PWWP2B: variants seen among roughly 807,000 people sequenced by gnomAD.
PWWP2B encodes PWWP domain containing 2B.
A neutral mutation model predicts 15.5 loss-of-function variants in PWWP2B; 9 were observed. That is an observed-to-expected ratio of 0.58 (90% CI 0.35 to 1.02). The LOEUF is 1.02. Among genes scored for constraint, PWWP2B ranks in the 50% least tolerant of loss-of-function variants. PWWP2B has a pLI of 0.02. For missense variants in PWWP2B, 864 were observed against 865.3 expected, an observed-to-expected ratio of 1.00 and a Z score of 0.02; for synonymous variants, 474 against 403.6, an observed-to-expected ratio of 1.17 and a Z score of -2.09.
rs373866564 is a variant in PWWP2B at position 132,417,376 on chromosome 10, C to T, written c.*332C>T. ...GGTTCCATGGAGGAACTGGGCCTGC[C>T]GCCCCGGCCTCACCTGCTGCCCGCA... is the stretch of plus-strand genomic sequence containing the variant. On this transcript the variant is annotated 3_prime_UTR_variant, in exon 3 of 3. Transcript: ENST00000305233. The T allele has an allele frequency of 1.1e-4, 51 of 466,514 alleles. No individual in the cohort carries two copies. The highest frequency in any genetic ancestry group is 5.7e-4 in the Middle Eastern group (1 of 1,766). 28.9% of individuals were successfully genotyped at this position (466,514 alleles called of 1,614,324 possible).
Position 132,417,471 on chromosome 10 carries a change from T to C in PWWP2B, c.*427T>C, listed in dbSNP as rs1220642090. 1 of 273,448 alleles carries C rather than the reference T, an allele frequency of 3.7e-6. No individual in the cohort carries two copies. The highest frequency in any genetic ancestry group is 7.0e-6 in the Non-Finnish European group (1 of 142,498). 16.9% of individuals were successfully genotyped at this position (273,448 alleles called of 1,614,324 possible). On this transcript the variant is annotated 3_prime_UTR_variant, in exon 3 of 3. Transcript: ENST00000305233. The stretch of plus-strand genomic sequence containing the variant: ...CCCAGCGGCTGGTGTGGGCAGCTGT[T>C]CCCTGCCTCGCAGTGTCCTGGAGGC...
chr10:132,417,211 G>A lies in PWWP2B; in HGVS notation c.*167G>A. The A allele has an allele frequency of 1.0e-6, 1 of 980,168 alleles. No individual in the cohort carries two copies. 60.7% of individuals were successfully genotyped at this position (980,168 alleles called of 1,614,324 possible). ...CCCCGGGGACCGGCAGTGTGTCCAG[G>A]GAGGGGATGGCCCTGAGCCCAGCGG... On this transcript the variant is annotated 3_prime_UTR_variant, in exon 3 of 3. Coordinates refer to ENST00000305233, the MANE Select transcript of PWWP2B (RefSeq NM_138499.4).
chr10:132,407,747 T>TTGGGGCAGGCG (rs1451565214), intron 2 of PWWP2B, among the ~76,000 whole-genome samples: 1 of 152,166 alleles, frequency 6.6e-6, no homozygotes, highest in East Asian at 1.9e-4. Flanking sequence ...TTCTGGGGCC[T>TTGGGGCAGGCG]TGGGGCAGGC....
rs374387139 is a variant in PWWP2B, at chr10:132,416,776, A to G, written c.*17-285A>G. ...CCCCACCAAGAGGCCACAAGGCTCC[A>G]GGCCCGCTGGCTTCTCCGTGGCCCT... is the stretch of plus-strand genomic sequence containing the variant. On this transcript the variant is annotated intron_variant, in intron 2 of 2. Transcript: ENST00000305233. Among the ~76,000 whole-genome samples, 497 of 152,120 alleles carry G rather than the reference A, an allele frequency of 3.3e-3. 3 individuals are homozygous for G. The highest frequency in any genetic ancestry group is 5.6e-3 in the Non-Finnish European group (379 of 67,948).
In PWWP2B at chr10:132,406,647, G is replaced by A. The variant is rs185291604; in HGVS notation, c.*16+358G>A. On this transcript the variant is annotated intron_variant, in intron 2 of 2. Transcript: ENST00000305233. Reference sequence around the variant, plus strand: ...TTTGACGGATCCTGGGGAGGGGAGAGCCCAGGCTGAGGCCCTGTCTTGCGT... The same window carrying A: ...TTTGACGGATCCTGGGGAGGGGAGAACCCAGGCTGAGGCCCTGTCTTGCGT... 3.1e-3 allele frequency among the ~76,000 whole-genome samples: 468 copies of A among 152,306 alleles called. 2 individuals are homozygous for A. The highest frequency in any genetic ancestry group is 0.011 in the African/African-American group (448 of 41,576).
At chr10:132,411,158 C>T (rs1199734982) in intron 2 of PWWP2B, among the ~76,000 whole-genome samples, 1 of 152,192 alleles carries the variant, frequency 6.6e-6, no homozygotes, top group South Asian at 2.1e-4. Context: ...CAGGGCTGTG[C>T]GCCTTCAGCT....
rs567740631 is a variant in PWWP2B at position 132,417,343 on chromosome 10, C to A, written c.*299C>A. The A allele has an allele frequency of 2.0e-6, 1 of 505,562 alleles. No individual in the cohort carries two copies. Among genetic ancestry groups the A allele is most frequent in the Middle Eastern group, 5.2e-4 (1 of 1,936 alleles). The allele number at this position is 505,562 out of a possible 1,614,324, so 31.3% of individuals were successfully genotyped here. Reference sequence around the variant, plus strand: ...CTGGCTGCTGGCTGCTGCTGCCTCGCGCGCTGGGGTTCCATGGAGGAACTG... The same window carrying A: ...CTGGCTGCTGGCTGCTGCTGCCTCGAGCGCTGGGGTTCCATGGAGGAACTG... On this transcript the variant is annotated 3_prime_UTR_variant, in exon 3 of 3. Coordinates refer to ENST00000305233, the MANE Select transcript of PWWP2B (RefSeq NM_138499.4).
intron 1 of PWWP2B, among the ~76,000 whole-genome samples, chr10:132,402,500 G>A (rs765265463): frequency 2.6e-5 from 4 of 152,260 alleles, no homozygotes; most frequent in African/African-American, 9.6e-5. Context: ...GGGTGCCTGC[G>A]TGCACCAGCG....
At chr10:132,399,308 A>G (rs941119826) in intron 1 of PWWP2B, among the ~76,000 whole-genome samples, 1 of 152,258 alleles carries the variant, frequency 6.6e-6, no homozygotes, top group Non-Finnish European at 1.5e-5. Context: ...CGCCCACCTC[A>G]GGGAACCTGT....
At chr10:132,399,356 C>T (rs560028421) in intron 1 of PWWP2B, among the ~76,000 whole-genome samples, 4 of 152,340 alleles carry the variant, frequency 2.6e-5, no homozygotes, top group South Asian at 2.1e-4. Flanking sequence ...GCGCAGGCGG[C>T]GGGCAGCCAG....
intron 1 of PWWP2B, 96 bp downstream of exon 1, chr10:132,397,447 G>T (rs1254894583): frequency 1.8e-6 from 2 of 1,107,838 alleles, no homozygotes; most frequent in African/African-American, 3.3e-5. Flanking sequence ...GGTTGGGGGT[G>T]GCGTGGCCCC....
chr10:132,404,536 T>C, intron 1 of PWWP2B, 90 bp from the exon 2 acceptor site: 2 of 1,124,112 alleles, frequency 1.8e-6, no homozygotes, highest in Non-Finnish European at 2.7e-6. Context: ...TGCCGGAGCA[T>C]GGGTCGGGGG....
intron 2 of PWWP2B, among the ~76,000 whole-genome samples, chr10:132,415,644 C>CACA (rs1564878870): frequency 1.6e-5 from 2 of 125,528 alleles, no homozygotes; most frequent in African/African-American, 6.2e-5. Flanking sequence ...CACACACCCA[C>CACA]TCACACACAC....
chr10:132,417,403 G>A lies in PWWP2B; in HGVS notation c.*359G>A, dbSNP rs936620964. ...CCCCGGCCTCACCTGCTGCCCGCAT[G>A]CTGGGGTCCCATGGAGGAACCAGGC... On this transcript the variant is annotated 3_prime_UTR_variant, in exon 3 of 3. Coordinates refer to ENST00000305233, the MANE Select transcript of PWWP2B (RefSeq NM_138499.4). 2.4e-6 allele frequency: 1 copy of A among 415,318 alleles called. No individual in the cohort carries two copies. Among genetic ancestry groups the A allele is most frequent in the Non-Finnish European group, 4.4e-6 (1 of 229,258 alleles). The allele number at this position is 415,318 out of a possible 1,614,324, so 25.7% of individuals were successfully genotyped here. A position where few individuals can be genotyped will look rare whatever the true frequency, so the allele number is the denominator to read the frequency against.
At position 132,404,842 on chromosome 10, in the gene PWWP2B, G is replaced by A; in HGVS notation, c.342G>A (p.Leu114=). Residue 114 remains leucine, a synonymous_variant, in exon 2 of 3, where the codon CTG becomes CTA. Coordinates refer to ENST00000305233, the MANE Select transcript of PWWP2B (RefSeq NM_138499.4). ...TGCCGCCGCTGCCCGCCGGAAGCCT[G>A]CCCCCGTACCCTCCCTACTTCGAAG... is the stretch of plus-strand genomic sequence containing the variant. ...PLVPPLPAGS[L]PPYPPYFEGA... 2 of 1,567,296 alleles carry A rather than the reference G, an allele frequency of 1.3e-6. No individual in the cohort carries two copies. Among genetic ancestry groups the A allele is most frequent in the Non-Finnish European group, 1.7e-6 (2 of 1,163,618 alleles).
At chr10:132,401,831 G>T (rs1467365490) in intron 1 of PWWP2B, among the ~76,000 whole-genome samples, 2 of 152,264 alleles carry the variant, frequency 1.3e-5, no homozygotes, top group Non-Finnish European at 2.9e-5. Context: ...GAGGGCAGGA[G>T]CCGAGGTCCC....
Position 132,405,913 on chromosome 10 carries a change from G to A in PWWP2B, c.1413G>A (p.Arg471=). The change falls in exon 2 of 3, where the codon AGG becomes AGA. Residue 471 remains arginine (R), a synonymous_variant. Transcript: ENST00000305233. The part of the protein sequence containing the change: ...ARQTVPPLTV[R]LHTQSVSECI... ...AAACGGTGCCGCCCCTGACGGTCAG[G>A]CTGCACACACAGAGCGTGTCGGAGT... 1 of 1,612,658 alleles carries A rather than the reference G, an allele frequency of 6.2e-7. No homozygotes were observed. The highest frequency in any genetic ancestry group is 1.1e-5 in the South Asian group (1 of 91,078).
At chr10:132,415,701 TCA>T (rs1293388190) in intron 2 of PWWP2B, among the ~76,000 whole-genome samples, 8 of 126,838 alleles carry the variant, frequency 6.3e-5, no homozygotes, top group African/African-American at 1.9e-4. Context: ...ACATGCACTC[TCA>T]CACACATCCA....
Position 132,397,225 on chromosome 10 carries a change from G to A in PWWP2B, c.-2G>A. The A allele has an allele frequency of 1.7e-6, 2 of 1,168,224 alleles. No homozygotes were observed. Among genetic ancestry groups the A allele is most frequent in the South Asian group, 3.2e-5 (1 of 31,352 alleles). 72.4% of individuals were successfully genotyped at this position (1,168,224 alleles called of 1,614,324 possible). ...GGGGGCGGCCTGGGACGCGGCGGGA[G>A]CATGGAGCCGCGCGCCGGCTGCCGG... On this transcript the variant is annotated 5_prime_UTR_variant, in exon 1 of 3. Coordinates refer to ENST00000305233, the MANE Select transcript of PWWP2B (RefSeq NM_138499.4).
Sources: gnomAD v4.1 joint callset for allele counts (sites outside exome capture counted in the v4.1 genomes callset) on GRCh38, gnomAD v4.1.1 for gene constraint, MANE v1.5 for transcripts, NCBI Gene and HGNC (gene_info 2026-07-23, HGNC 2026-07-21) for gene names.